Variants in RUFY3 observed in about 807,000 individuals in gnomAD.
The protein encoded by RUFY3 is RUN and FYVE domain containing 3, also known as protein RUFY3.
RUFY3 carries 34 observed loss-of-function variants against 84.0 expected under a neutral mutation model. The ratio of observed to expected loss-of-function variants is 0.40; its 90% confidence interval spans 0.31 to 0.54. RUFY3 has a LOEUF of 0.54. Ranked by LOEUF, RUFY3 falls within the 20% of genes least tolerant of loss-of-function variation. The pLI is 0.39. For synonymous variants in RUFY3, 242 were observed against 252.9 expected (o/e 0.96, Z 0.41); for missense variants, 507 against 736.8 (o/e 0.69, Z 3.61).
intron 1 of RUFY3, among the ~76,000 whole-genome samples, chr4:70,762,119 C>T (rs1388211422): frequency 6.6e-6 from 1 of 152,160 alleles, no homozygotes; most frequent in Non-Finnish European, 1.5e-5. Flanking sequence ...AGCTCAAGAC[C>T]AGCCTGGGCA....
intron 1 of RUFY3, among the ~76,000 whole-genome samples, chr4:70,725,111 C>T (rs563107721): frequency 1.3e-5 from 2 of 152,288 alleles, no homozygotes; most frequent in African/African-American, 4.8e-5. Flanking sequence ...ATGATGTAGA[C>T]TGACTGTGTG....
At chr4:70,757,313 A>G (rs1724195040) in intron 1 of RUFY3, among the ~76,000 whole-genome samples, 1 of 151,458 alleles carries the variant, frequency 6.6e-6, no homozygotes, top group African/African-American at 2.4e-5. Context: ...ATTTAAAATT[A>G]TTTGTTCTGG....
rs140178840 is a variant in RUFY3 at position 70,806,769 on chromosome 4, A to G, written c.*110A>G. ...GTTCTTAGAGTCAACTAAAGAGTTG[A>G]TAGGAATTTACTAGGTCCAGGGAGA... is the stretch of plus-strand genomic sequence containing the variant. On this transcript the variant is annotated 3_prime_UTR_variant, in exon 18 of 18. Transcript: ENST00000381006. 2.2e-6 allele frequency: 3 copies of G among 1,365,656 alleles called. No homozygotes were observed. The highest frequency in any genetic ancestry group is 3.0e-6 in the Non-Finnish European group (3 of 998,882). The allele number at this position is 1,365,656 out of a possible 1,614,324, so 84.6% of individuals were successfully genotyped here. A position where few individuals can be genotyped will look rare whatever the true frequency, so the allele number is the denominator to read the frequency against.
chr4:70,756,864 T>C (rs1724108614), intron 1 of RUFY3, among the ~76,000 whole-genome samples: 1 of 152,216 alleles, frequency 6.6e-6, no homozygotes, highest in South Asian at 2.1e-4. Context: ...AATTGTATTA[T>C]GCTTACAGCC....
At chr4:70,766,764 T>C (rs898974688) in intron 4 of RUFY3, among the ~76,000 whole-genome samples, 1 of 152,214 alleles carries the variant, frequency 6.6e-6, no homozygotes, top group African/African-American at 2.4e-5. Context: ...ACATTAAGGT[T>C]TACTCTTGGT....
intron 1 of RUFY3, among the ~76,000 whole-genome samples, chr4:70,733,067 AAAAG>A (rs199532156): frequency 7.6e-6 from 1 of 132,366 alleles, no homozygotes; most frequent in Non-Finnish European, 1.6e-5. Flanking sequence ...ACTCCATTTC[AAAAG>A]AAAGAGAGAG....
At chr4:70,789,049 G>C in intron 11 of RUFY3, 76 bp downstream of exon 11, 1 of 1,538,116 alleles carries the variant, frequency 6.5e-7, no homozygotes, top group Admixed American at 2.1e-5. Flanking sequence ...TGATCCTCCA[G>C]AATCACACTT....
chr4:70,754,659 C>A (rs1465794258), intron 1 of RUFY3, among the ~76,000 whole-genome samples: 1 of 151,662 alleles, frequency 6.6e-6, no homozygotes, highest in African/African-American at 2.4e-5. Context: ...CTTTCTTTCA[C>A]AATTAAGGAC....
rs985399427 is a variant in RUFY3, at chr4:70,722,209, G to C, written c.-365G>C. The C allele has an allele frequency of 5.7e-6, 7 of 1,229,620 alleles. No individual in the cohort carries two copies. In the African/African-American group the frequency reaches 1.1e-4, roughly 19 times the overall value. 76.2% of individuals were successfully genotyped at this position (1,229,620 alleles called of 1,614,324 possible). A position where few individuals can be genotyped will look rare whatever the true frequency, so the allele number is the denominator to read the frequency against. ...TATCGAGGCCAGATTTTTAAAGCCA[G>C]CTAAGGCAGCATCAGCTGTGCGGGA... On this transcript the variant is annotated 5_prime_UTR_variant, in exon 1 of 18. Transcript: ENST00000381006.
intron 1 of RUFY3, among the ~76,000 whole-genome samples, chr4:70,745,676 A>G (rs959181301): frequency 1.3e-5 from 2 of 152,232 alleles, no homozygotes; most frequent in African/African-American, 2.4e-5. Context: ...ATTTGGGGGC[A>G]GAGGGTGTTA....
intron 1 of RUFY3, among the ~76,000 whole-genome samples, chr4:70,726,364 CTTT>C (rs977016939): frequency 6.6e-6 from 1 of 151,936 alleles, no homozygotes; most frequent in Admixed American, 6.6e-5. Flanking sequence ...TACCATCACT[CTTT>C]TTTTTCTTTT....
At chr4:70,750,970 C>G (rs1276445110) in intron 1 of RUFY3, among the ~76,000 whole-genome samples, 2 of 151,992 alleles carry the variant, frequency 1.3e-5, no homozygotes, top group East Asian at 1.9e-4. Flanking sequence ...CATATTTTGT[C>G]TATTGGTTGG....
At chr4:70,772,982 G>T (rs1196898114) in intron 5 of RUFY3, among the ~76,000 whole-genome samples, 1 of 152,094 alleles carries the variant, frequency 6.6e-6, no homozygotes, top group Non-Finnish European at 1.5e-5. Context: ...TTTTTAAAAA[G>T]AAATAAGCTA....
intron 1 of RUFY3, among the ~76,000 whole-genome samples, chr4:70,751,231 G>A (rs1723083526): frequency 6.6e-6 from 1 of 152,102 alleles, no homozygotes; most frequent in Non-Finnish European, 1.5e-5. Context: ...CCACCCTCTA[G>A]TAGTCTTCAG....
chr4:70,781,153 A>G (rs572131254), intron 8 of RUFY3, among the ~76,000 whole-genome samples: 2 of 152,200 alleles, frequency 1.3e-5, no homozygotes, highest in South Asian at 4.1e-4. Context: ...TTGAATCTGA[A>G]TGACAAACTA....
intron 1 of RUFY3, among the ~76,000 whole-genome samples, chr4:70,716,158 T>C (rs1052136510): frequency 2.0e-5 from 3 of 152,048 alleles, no homozygotes; most frequent in African/African-American, 7.2e-5. Flanking sequence ...TTGTTATTGT[T>C]TTTTTGAGAC....
intron 8 of RUFY3, among the ~76,000 whole-genome samples, chr4:70,779,811 T>C (rs576599252): frequency 5.9e-5 from 9 of 152,176 alleles, no homozygotes; most frequent in African/African-American, 2.2e-4. Flanking sequence ...TGAGCTCAAG[T>C]GACCCGCCTG....
At chr4:70,745,906 C>A (rs1034835505) in intron 1 of RUFY3, among the ~76,000 whole-genome samples, 17 of 151,940 alleles carry the variant, frequency 1.1e-4, no homozygotes, top group African/African-American at 3.9e-4. Flanking sequence ...GCCAACATGA[C>A]AAAACCCGTC....
rs536395614 is a variant in RUFY3 at position 70,791,337 on chromosome 4, A to G, written c.1337+1745A>G. 3.1e-6 allele frequency: 5 copies of G among 1,607,328 alleles called. No homozygotes were observed. The South Asian group carries it at 3.4e-5, about 11-fold the overall frequency. On this transcript the variant is annotated intron_variant, in intron 12 of 17. Coordinates refer to ENST00000381006, the MANE Select transcript of RUFY3 (RefSeq NM_001037442.4). ...GTCACGTCGCAAGTCCGATATCACA[A>G]CTTAATTGTAAAAGGAAGAAATCTG...
Sources: allele counts gnomAD v4.1 joint callset (sites outside exome capture counted in the v4.1 genomes callset), GRCh38; gene constraint gnomAD v4.1.1; transcripts MANE v1.5; gene names NCBI Gene and HGNC (gene_info 2026-07-23, HGNC 2026-07-21).